DNAAF1: variants seen among roughly 807,000 people sequenced by gnomAD.
The protein encoded by DNAAF1 is dynein axonemal assembly factor 1.
DNAAF1 carries 65 observed loss-of-function variants against 71.1 expected under a neutral mutation model. The ratio of observed to expected loss-of-function variants is 0.91; its 90% CI spans 0.75 to 1.12. The LOEUF is 1.12. Ranked by LOEUF, DNAAF1 falls within the 50% of genes most tolerant of loss-of-function variation. DNAAF1 has a pLI of 0.00. For missense variants in DNAAF1, 1,178 were observed against 899.8 expected (o/e 1.31, Z -3.96); for synonymous variants, 414 against 354.6 (o/e 1.17, Z -1.88).
Position 84,155,599 on chromosome 16 carries a change from G to A in DNAAF1, c.591G>A (p.Leu197=), listed in dbSNP as rs766426508. 21 of 1,614,030 alleles carry A rather than the reference G, an allele frequency of 1.3e-5. No individual in the cohort carries two copies. In the South Asian group the frequency reaches 2.2e-4, roughly 17 times the overall value. ...ACCTTCCAGCCTGCCTCCCAGTCCT[G>A]AACACATTGCAGATGGCCCACAATC... is the stretch of plus-strand genomic sequence containing the variant. The part of the protein sequence containing the change: ...TIENLSCLPV[L]NTLQMAHNHL... The change falls in exon 5 of 12, where the codon CTG becomes CTA. Residue 197 remains leucine (L), a synonymous_variant. Coordinates refer to ENST00000378553, the MANE Select transcript of DNAAF1 (RefSeq NM_178452.6).
chr16:84,163,873 TGTGGGGGACAGCG>T (rs1567552457), intron 6 of DNAAF1, among the ~76,000 whole-genome samples: 2 of 149,350 alleles, frequency 1.3e-5, no homozygotes, highest in Non-Finnish European at 1.5e-5. Context: ...TTTTTTTTTT[TGTGGGGGACAGCG>T]TTTTGCTCTG....
chr16:84,177,639 A>C, intron 11 of DNAAF1, 90 bp from the exon 12 acceptor site: 1 of 1,117,150 alleles, frequency 9.0e-7, no homozygotes, highest in Non-Finnish European at 1.4e-6. Context: ...GAGGACACTG[A>C]ATTTGGCCTG....
At position 84,159,744 on chromosome 16, in the gene DNAAF1, C is replaced by T. The variant is rs267607225; in HGVS notation, c.811C>T (p.Arg271Ter). ...IPNYRRTVTV[R>*]LKHLTYLDDR... ...TAATTACAGAAGGACAGTCACTGTA[C>T]GACTAAAGCACTTAACATACCTGGA... The change falls in exon 6 of 12, where the codon CGA becomes TGA. Residue 271 changes from arginine to a stop codon, truncating the protein, a stop_gained. Coordinates refer to ENST00000378553, the MANE Select transcript of DNAAF1 (RefSeq NM_178452.6). LOFTEE classifies it high-confidence loss of function. 8 of 1,613,818 alleles carry T rather than the reference C, an allele frequency of 5.0e-6. No individual in the cohort carries two copies. The highest frequency in any genetic ancestry group is 3.3e-5 in the Admixed American group (2 of 60,006).
At position 84,160,582 on chromosome 16, in the gene DNAAF1, A is replaced by G. The variant is rs74249577; in HGVS notation, c.863+786A>G. The stretch of plus-strand genomic sequence containing the variant: ...AATGTAGCTTGTAATGTGTTTTTAA[A>G]CTCACAAATTTAAATCAAACTAACA... On this transcript the variant is annotated intron_variant, in intron 6 of 11. Transcript: ENST00000378553. 2.5e-4 allele frequency among the ~76,000 whole-genome samples: 38 copies of G among 152,276 alleles called. No homozygotes were observed. In the East Asian group the frequency reaches 7.1e-3, roughly 29 times the overall value.
intron 9 of DNAAF1, chr16:84,173,109 A>C: frequency 1.0e-6 from 1 of 986,126 alleles, no homozygotes; most frequent in Non-Finnish European, 1.2e-6. Context: ...TCCTTGTTAA[A>C]CTTCTTCTAA....
chr16:84,152,400 C>G (rs1460630217), intron 3 of DNAAF1, among the ~76,000 whole-genome samples: 2 of 152,168 alleles, frequency 1.3e-5, no homozygotes, highest in Non-Finnish European at 2.9e-5. Flanking sequence ...CGCCTGTGAT[C>G]CCAGCAATGT....
Position 84,170,229 on chromosome 16 carries a change from C to G in DNAAF1, c.1401C>G (p.Thr467=), listed in dbSNP as rs758659103. ...ATGGAGATCAAGAGCCAGAGGGGACCCTCCCAGCTGAGACCCTGCTACTGT... is the reference window on the plus strand; with the variant it reads ...ATGGAGATCAAGAGCCAGAGGGGACGCTCCCAGCTGAGACCCTGCTACTGT... ...GEDGDQEPEG[T]LPAETLLLSP... The change falls in exon 8 of 12, where the codon ACC becomes ACG. Residue 467 remains threonine, a synonymous_variant. Transcript: ENST00000378553. 6.2e-7 allele frequency: 1 copy of G among 1,609,850 alleles called. No individual in the cohort carries two copies. The highest frequency in any genetic ancestry group is 8.5e-7 in the Non-Finnish European group (1 of 1,178,078).
At chr16:84,167,803 G>A (rs1470088313) in intron 7 of DNAAF1, among the ~76,000 whole-genome samples, 1 of 152,108 alleles carries the variant, frequency 6.6e-6, no homozygotes, top group African/African-American at 2.4e-5. Flanking sequence ...ATCACCTGAG[G>A]TAAGGAGTTG....
intron 11 of DNAAF1, 73 bp from the exon 12 acceptor site, chr16:84,177,656 A>T (rs2088801279): frequency 7.5e-7 from 1 of 1,338,868 alleles, no homozygotes; most frequent in Admixed American, 1.7e-5. Context: ...CCTGGACTGA[A>T]CCCCAAGGCT....
chr16:84,158,631 C>G (rs544355223), intron 5 of DNAAF1, among the ~76,000 whole-genome samples: 5 of 152,302 alleles, frequency 3.3e-5, no homozygotes, highest in South Asian at 2.1e-4. Flanking sequence ...ACCGTTTACC[C>G]CTTTATTGCT....
chr16:84,164,343 G>T (rs577735669), intron 6 of DNAAF1, among the ~76,000 whole-genome samples: 131 of 152,306 alleles, frequency 8.6e-4, no homozygotes, highest in African/African-American at 3.1e-3. Flanking sequence ...AAGGTATCAT[G>T]TCCTGTATCC....
intron 5 of DNAAF1, among the ~76,000 whole-genome samples, chr16:84,158,225 C>G (rs1440431966): frequency 6.6e-6 from 1 of 151,934 alleles, no homozygotes; most frequent in Non-Finnish European, 1.5e-5. Context: ...AAAACAAAAA[C>G]AAAAAAGAAA....
chr16:84,150,801 G>A (rs1374311946), intron 3 of DNAAF1, among the ~76,000 whole-genome samples: 2 of 151,870 alleles, frequency 1.3e-5, no homozygotes, highest in Non-Finnish European at 2.9e-5. Flanking sequence ...TTTAGTAAAG[G>A]CGGGGTTTCG....
intron 6 of DNAAF1, among the ~76,000 whole-genome samples, chr16:84,161,378 A>G (rs2087709293): frequency 6.6e-6 from 1 of 152,188 alleles, no homozygotes. Flanking sequence ...CAGGAGTCAG[A>G]TTAACCTGGC....
chr16:84,176,565 A>C (rs2088677082), intron 11 of DNAAF1: 2 of 573,020 alleles, frequency 3.5e-6, no homozygotes, highest in African/African-American at 3.7e-5. Flanking sequence ...GGGGGTCACA[A>C]TCCCCCTGTG....
chr16:84,175,641 C>G (rs2088612436), intron 10 of DNAAF1: 1 of 441,768 alleles, frequency 2.3e-6, no homozygotes, highest in East Asian at 4.7e-5. Flanking sequence ...AGGGGCATGC[C>G]AAGCAGAGCC....
intron 1 of DNAAF1, among the ~76,000 whole-genome samples, chr16:84,147,975 T>C (rs1016910925): frequency 6.6e-6 from 1 of 151,728 alleles, no homozygotes; most frequent in Non-Finnish European, 1.5e-5. Flanking sequence ...GGCTGAGGCA[T>C]GAGAATCGCT....
At chr16:84,149,898 G>A (rs1322388586) in intron 2 of DNAAF1, among the ~76,000 whole-genome samples, 1 of 147,574 alleles carries the variant, frequency 6.8e-6, no homozygotes, top group Non-Finnish European at 1.5e-5. Context: ...GGTGGCGCAT[G>A]CCTGTAATCC....
At chr16:84,155,795 G>A (rs371318404) in intron 5 of DNAAF1, 46 bp downstream of exon 5, 98 of 1,605,158 alleles carry the variant, frequency 6.1e-5, no homozygotes, top group Middle Eastern at 1.6e-4. Context: ...ACAGGAAACC[G>A]CTTCTATTAT....
Sources: allele counts gnomAD v4.1 joint callset (sites outside exome capture counted in the v4.1 genomes callset), GRCh38; gene constraint gnomAD v4.1.1; transcripts MANE v1.5; gene names NCBI Gene and HGNC (gene_info 2026-07-23, HGNC 2026-07-21).